The following FAM135B variants were observed in gnomAD, a reference collection of about 807,000 sequenced individuals.
The protein encoded by FAM135B is family with sequence similarity 135 member B.
In FAM135B, 43 loss-of-function variants were observed where a neutral mutation model predicts 127.7. The ratio of observed to expected loss-of-function variants is 0.34; its 90% CI spans 0.26 to 0.43. The LOEUF (loss-of-function observed/expected upper bound fraction) is 0.43. Ranked by LOEUF, FAM135B falls within the 20% of genes least tolerant of loss-of-function variation. The probability of loss-of-function intolerance (pLI) is 1.00; values close to 1 mark genes in which losing one functional copy is unlikely to be tolerated. For synonymous variants in FAM135B, 670 were observed against 665.1 expected (o/e 1.01, Z -0.11); for missense variants, 1,558 against 1,725.6 (o/e 0.90, Z 1.72).
chr8:138,198,830 T>C (rs1382136460), intron 7 of FAM135B, among the ~76,000 whole-genome samples: 1 of 152,140 alleles, frequency 6.6e-6, no homozygotes, highest in Non-Finnish European at 1.5e-5. Flanking sequence ...TCAAAGAGAT[T>C]TGTTCTTAGA....
intron 1 of FAM135B, among the ~76,000 whole-genome samples, chr8:138,406,852 G>A (rs1442331305): frequency 2.6e-5 from 4 of 151,372 alleles, no homozygotes; most frequent in Non-Finnish European, 3.0e-5. Flanking sequence ...ACTGGCACAA[G>A]ACAGGGATGC....
chr8:138,189,335 A>T (rs1476528856), intron 9 of FAM135B, among the ~76,000 whole-genome samples: 1 of 151,996 alleles, frequency 6.6e-6, no homozygotes, highest in African/African-American at 2.4e-5. Context: ...CTCCGCATTC[A>T]CCACTCTTCA....
chr8:138,302,308 C>T (rs915264455), intron 3 of FAM135B, among the ~76,000 whole-genome samples: 5 of 152,100 alleles, frequency 3.3e-5, no homozygotes, highest in Non-Finnish European at 7.3e-5. Context: ...ACCCACAAGG[C>T]GAGCCCCTCT....
intron 3 of FAM135B, among the ~76,000 whole-genome samples, chr8:138,296,707 C>T (rs939366299): frequency 1.6e-4 from 24 of 152,232 alleles, no homozygotes; most frequent in Admixed American, 4.6e-4. Flanking sequence ...TTTGTACATA[C>T]GTATTTTGTG....
At chr8:138,359,345 C>T (rs1246490980) in intron 2 of FAM135B, among the ~76,000 whole-genome samples, 7 of 152,156 alleles carry the variant, frequency 4.6e-5, no homozygotes, top group Non-Finnish European at 1.0e-4. Context: ...AATGGATTGG[C>T]TTGAACAACT....
chr8:138,292,231 C>T (rs1825166422), intron 3 of FAM135B, among the ~76,000 whole-genome samples: 1 of 151,994 alleles, frequency 6.6e-6, no homozygotes, highest in African/African-American at 2.4e-5. Flanking sequence ...ATGATCTATA[C>T]ACTGAAAATA....
chr8:138,194,221 G>A (rs531946729), intron 9 of FAM135B, among the ~76,000 whole-genome samples: 13 of 152,088 alleles, frequency 8.5e-5, no homozygotes, highest in South Asian at 4.1e-4. Flanking sequence ...TACAAGCCAA[G>A]TCCCACCCCT....
chr8:138,449,295 C>T (rs1390734452), intron 1 of FAM135B, among the ~76,000 whole-genome samples: 1 of 152,106 alleles, frequency 6.6e-6, no homozygotes, highest in African/African-American at 2.4e-5. Flanking sequence ...TTTCCTACTC[C>T]AAAGTGCCAT....
rs368439155 is a variant in FAM135B, at chr8:138,151,803, G to A, written c.2672C>T (p.Pro891Leu). The A allele has an allele frequency of 2.4e-5, 38 of 1,614,004 alleles. No individual in the cohort carries two copies. The African/African-American group carries it at 4.8e-4, about 20-fold the overall frequency. ...KIPRVIALEN[P>L]RTRSLHRALE... ...TGCTCTATGAAGAGATCTGGTCCTGGGGTTTTCAAGTGCTATGACGCGTGG... is the reference window on the plus strand; with the variant it reads ...TGCTCTATGAAGAGATCTGGTCCTGAGGTTTTCAAGTGCTATGACGCGTGG... The change falls in exon 13 of 20, where the codon CCC becomes CTC. Residue 891 changes from proline (P) to leucine (L), a missense_variant. Coordinates refer to ENST00000395297, the MANE Select transcript of FAM135B (RefSeq NM_015912.4).
intron 1 of FAM135B, among the ~76,000 whole-genome samples, chr8:138,390,227 T>C (rs960551695): frequency 2.0e-5 from 3 of 152,296 alleles, no homozygotes; most frequent in Admixed American, 6.5e-5. Context: ...CATCTCGAAT[T>C]GTAGCTCCCA....
chr8:138,304,187 T>C (rs1587018869), intron 3 of FAM135B, among the ~76,000 whole-genome samples: 1 of 152,144 alleles, frequency 6.6e-6, no homozygotes, highest in South Asian at 2.1e-4. Context: ...TTACCTCCCA[T>C]CCTGAGACAA....
intron 7 of FAM135B, among the ~76,000 whole-genome samples, chr8:138,209,255 C>T (rs1349430039): frequency 1.3e-5 from 2 of 151,980 alleles, no homozygotes; most frequent in African/African-American, 4.8e-5. Context: ...AATTGCAGCA[C>T]AATATGGTAA....
intron 1 of FAM135B, among the ~76,000 whole-genome samples, chr8:138,420,847 A>C (rs1323705848): frequency 6.6e-6 from 1 of 152,226 alleles, no homozygotes; most frequent in Non-Finnish European, 1.5e-5. Flanking sequence ...ATACCTCAAA[A>C]TAACAAGAGA....
intron 7 of FAM135B, among the ~76,000 whole-genome samples, chr8:138,240,553 C>T (rs1820675895): frequency 6.6e-6 from 1 of 152,188 alleles, no homozygotes; most frequent in African/African-American, 2.4e-5. Context: ...ATTCATTCCC[C>T]ACACTTTTAT....
At chr8:138,347,038 A>C (rs2131093681) in intron 2 of FAM135B, among the ~76,000 whole-genome samples, 1 of 152,320 alleles carries the variant, frequency 6.6e-6, no homozygotes, top group South Asian at 2.1e-4. Context: ...ATAGGTATCA[A>C]TTACAGTTTG....
At chr8:138,312,940 A>G (rs1209682130) in intron 2 of FAM135B, among the ~76,000 whole-genome samples, 2 of 152,258 alleles carry the variant, frequency 1.3e-5, no homozygotes, top group Admixed American at 1.3e-4. Context: ...TCAATGGAGC[A>G]GAGATCGCCT....
At chr8:138,238,766 G>A (rs892264873) in intron 7 of FAM135B, among the ~76,000 whole-genome samples, 9 of 152,236 alleles carry the variant, frequency 5.9e-5, no homozygotes, top group African/African-American at 2.2e-4. Context: ...AGGGGAGGTG[G>A]AGGGAGTGGA....
At chr8:138,226,161 G>T (rs550452480) in intron 7 of FAM135B, among the ~76,000 whole-genome samples, 1 of 141,608 alleles carries the variant, frequency 7.1e-6, no homozygotes, top group South Asian at 2.2e-4. Context: ...GTGTGTGTGT[G>T]TGTGTGTGTG....
At chr8:138,202,258 T>A (rs1170058560) in intron 7 of FAM135B, among the ~76,000 whole-genome samples, 1 of 151,510 alleles carries the variant, frequency 6.6e-6, no homozygotes, top group Non-Finnish European at 1.5e-5. Flanking sequence ...TTTTTTTTTT[T>A]GTTTTGCTTG....
Sources: allele counts gnomAD v4.1 joint callset (sites outside exome capture counted in the v4.1 genomes callset), GRCh38; gene constraint gnomAD v4.1.1; transcripts MANE v1.5; gene names NCBI Gene and HGNC (gene_info 2026-07-23, HGNC 2026-07-21).